The following PALM2AKAP2 variants were observed in gnomAD, a reference collection of about 807,000 sequenced individuals.
PALM2AKAP2 encodes PALM2-AKAP2 fusion protein.
PALM2AKAP2 carries 37 observed loss-of-function variants against 71.5 expected under a neutral mutation model. That is an observed-to-expected ratio of 0.52 (90% CI 0.40 to 0.68). PALM2AKAP2 has a LOEUF of 0.68. Among genes scored for constraint, PALM2AKAP2 ranks in the 30% least tolerant of loss-of-function variants. The pLI is 0.00. For missense variants in PALM2AKAP2, 1,224 were observed against 1,191.8 expected (o/e 1.03, Z -0.40); for synonymous variants, 468 against 478.8 (o/e 0.98, Z 0.29).
At chr9:109,719,419 G>A (rs1393401290) in intron 1 of PALM2AKAP2, among the ~76,000 whole-genome samples, 3 of 152,158 alleles carry the variant, frequency 2.0e-5, no homozygotes, top group Non-Finnish European at 1.5e-5. Context: ...GTCTTCACTT[G>A]TAAATAAGAG....
intron 1 of PALM2AKAP2, among the ~76,000 whole-genome samples, chr9:109,665,440 G>A (rs1827467517): frequency 6.6e-6 from 1 of 152,198 alleles, no homozygotes; most frequent in Non-Finnish European, 1.5e-5. Flanking sequence ...CTAACAGTCA[G>A]GTCCTTTAGA....
chr9:109,738,099 A>C (rs1295405912), intron 1 of PALM2AKAP2, among the ~76,000 whole-genome samples: 2 of 152,334 alleles, frequency 1.3e-5, no homozygotes, highest in Admixed American at 1.3e-4. Context: ...TCATTTACTG[A>C]GCACCAACTA....
intron 1 of PALM2AKAP2, among the ~76,000 whole-genome samples, chr9:109,770,307 C>T (rs144822971): frequency 4.0e-4 from 61 of 152,038 alleles, no homozygotes; most frequent in Non-Finnish European, 6.6e-4. Context: ...CTAAGAATGT[C>T]CTTGGAAGAA....
upstream of PALM2AKAP2, among the ~76,000 whole-genome samples, chr9:109,776,025 A>G (rs1829343699): frequency 6.6e-6 from 1 of 152,254 alleles, no homozygotes; most frequent in Non-Finnish European, 1.5e-5. Context: ...TGTTACATAC[A>G]TTATGCATCA....
chr9:109,760,632 G>C (rs1193466234), intron 1 of PALM2AKAP2: 1 of 152,184 alleles, frequency 6.6e-6, no homozygotes, highest in African/African-American at 2.4e-5. Context: ...TAGTAAGAGA[G>C]AGTTAACGAG....
At chr9:109,985,357 C>A (rs1832352891) in intron 6 of PALM2AKAP2, among the ~76,000 whole-genome samples, 1 of 151,928 alleles carries the variant, frequency 6.6e-6, no homozygotes, top group Non-Finnish European at 1.5e-5. Context: ...GTAAAACTGT[C>A]TTGAGTAATC....
chr9:109,670,014 A>G (rs1738137779), intron 1 of PALM2AKAP2, among the ~76,000 whole-genome samples: 1 of 151,974 alleles, frequency 6.6e-6, no homozygotes, highest in Non-Finnish European at 1.5e-5. Flanking sequence ...CTTTTCTAAT[A>G]TTAATATTTC....
At chr9:109,815,715 T>C (rs2131463641) in intron 1 of PALM2AKAP2, among the ~76,000 whole-genome samples, 1 of 151,858 alleles carries the variant, frequency 6.6e-6, no homozygotes, top group East Asian at 1.9e-4. Context: ...GGTTGTGGAG[T>C]GTGGAGTTCA....
intron 1 of PALM2AKAP2, among the ~76,000 whole-genome samples, chr9:109,829,374 A>G (rs542436011): frequency 1.3e-5 from 2 of 152,134 alleles, no homozygotes; most frequent in African/African-American, 4.8e-5. Flanking sequence ...GCTTTCCTCT[A>G]CTAGATTTTG....
chr9:109,734,833 G>A (rs1279745037), intron 1 of PALM2AKAP2, among the ~76,000 whole-genome samples: 3 of 152,096 alleles, frequency 2.0e-5, no homozygotes, highest in Non-Finnish European at 4.4e-5. Flanking sequence ...GCAGCACACG[G>A]AAAGAGGGTC....
Position 110,138,291 on chromosome 9 carries a change from C to T in PALM2AKAP2, c.2321C>T (p.Ser774Leu), listed in dbSNP as rs112489156. ...GAAGGAAGCTATTTCAGCAAGTACT[C>T]GGAGGCAGCTGAGCTGAGAAGCACA... The change falls in exon 2 of 4, where the codon TCG becomes TTG. Residue 774 changes from serine to leucine, a missense_variant. Physicochemically the swap from Ser to Leu is moderately radical, Grantham distance 145. Coordinates refer to ENST00000374525, the Ensembl canonical transcript of PALM2AKAP2. The T allele has an allele frequency of 6.8e-6, 11 of 1,614,226 alleles. No individual in the cohort carries two copies. In the African/African-American group the frequency reaches 8.0e-5, roughly 12 times the overall value.
At chr9:110,044,059 A>C (rs1833552554), upstream of PALM2AKAP2, among the ~76,000 whole-genome samples, 1 of 151,836 alleles carries the variant, frequency 6.6e-6, no homozygotes, top group African/African-American at 2.4e-5. Flanking sequence ...AGTTTTCTTC[A>C]ATTTTCTTAT....
At chr9:109,721,945 A>G (rs896569287) in intron 1 of PALM2AKAP2, among the ~76,000 whole-genome samples, 23 of 152,242 alleles carry the variant, frequency 1.5e-4, no homozygotes, top group African/African-American at 5.3e-4. Flanking sequence ...ATGCTTTAGC[A>G]AGTAACTTTT....
rs143442936 is a variant in PALM2AKAP2, at chr9:110,100,051, C to CTCTATATATATATATA, written c.157-36075_157-36074insCTATATATATATATAT. 1.7e-3 allele frequency among the ~76,000 whole-genome samples: 182 copies of CTCTATATATATATATA among 109,450 alleles called. 1 individual carries two copies. Among genetic ancestry groups the CTCTATATATATATATA allele is most frequent in the African/African-American group, 5.5e-3 (169 of 30,952 alleles). The allele number at this position is 109,450 out of a possible 152,430, so 71.8% of individuals were successfully genotyped here. ...AACATATATGCATATGTATGTGTGT[C>CTCTATATATATATATA]TATATATATATATATATATATATAT... On this transcript the variant is annotated intron_variant, in intron 1 of 3. Coordinates refer to ENST00000374525, the Ensembl canonical transcript of PALM2AKAP2.
At chr9:110,139,027 A>G (rs1035157140) in intron 2 of PALM2AKAP2, among the ~76,000 whole-genome samples, 2 of 152,186 alleles carry the variant, frequency 1.3e-5, no homozygotes, top group Admixed American at 6.5e-5. Context: ...ATGGCATGGC[A>G]TTGCAGACTG....
Position 110,096,960 on chromosome 9 carries a change from A to AT in PALM2AKAP2, c.157-39165dup, listed in dbSNP as rs869234090. On this transcript the variant is annotated intron_variant, in intron 1 of 3. Coordinates refer to ENST00000374525, the Ensembl canonical transcript of PALM2AKAP2. ...TATTTATTTATTTATTTATTTATTT[A>AT]TTATTTTTTTTATTGATCATTCTTG... is the stretch of plus-strand genomic sequence containing the variant. Among the ~76,000 whole-genome samples, 69 of 142,960 alleles carry AT rather than the reference A, an allele frequency of 4.8e-4. No individual in the cohort carries two copies. In the South Asian group the frequency reaches 9.6e-3, roughly 20 times the overall value. 93.8% of individuals were successfully genotyped at this position (142,960 alleles called of 152,430 possible).
chr9:109,857,598 A>G (rs1320598619), intron 1 of PALM2AKAP2, among the ~76,000 whole-genome samples: 2 of 152,240 alleles, frequency 1.3e-5, no homozygotes, highest in Non-Finnish European at 2.9e-5. Flanking sequence ...TCATGTGTCC[A>G]GAGTGGAATT....
At chr9:109,731,861 T>A (rs961509752) in intron 1 of PALM2AKAP2, among the ~76,000 whole-genome samples, 1 of 152,232 alleles carries the variant, frequency 6.6e-6, no homozygotes, top group Admixed American at 6.5e-5. Flanking sequence ...GAAGAGAGGG[T>A]AAGATCTGTG....
intron 1 of PALM2AKAP2, chr9:110,127,712 GC>G (rs1198975239): frequency 6.6e-6 from 1 of 152,314 alleles, no homozygotes; most frequent in African/African-American, 2.4e-5. Context: ...AGCAGGGAGG[GC>G]CAGAGGAGGT....
Sources: gnomAD v4.1 joint callset for allele counts (sites outside exome capture counted in the v4.1 genomes callset) on GRCh38, gnomAD v4.1.1 for gene constraint, MANE v1.5 for transcripts, NCBI Gene and HGNC (gene_info 2026-07-23, HGNC 2026-07-21) for gene names.